Variants in GCN1 observed in about 807,000 individuals in gnomAD.
GCN1 encodes GCN1 activator of EIF2AK4.
In GCN1, 90 loss-of-function variants were observed where a neutral mutation model predicts 288.4. The ratio of observed to expected loss-of-function variants is 0.31; its 90% CI spans 0.26 to 0.37. GCN1 has a LOEUF of 0.37. Among genes scored for constraint, GCN1 ranks in the 10% least tolerant of loss-of-function variants. The pLI, the probability that GCN1 is intolerant of heterozygous loss-of-function variation, is 1.00. For missense variants in GCN1, 2,586 were observed against 3,419.9 expected (o/e 0.76, Z 6.08); for synonymous variants, 1,386 against 1,420.2 (o/e 0.98, Z 0.54).
At chr12:120,133,233 T>C (rs937552182) in intron 53 of GCN1, among the ~76,000 whole-genome samples, 1 of 152,010 alleles carries the variant, frequency 6.6e-6, no homozygotes, top group African/African-American at 2.4e-5. Flanking sequence ...CAATGACGTG[T>C]AAAACCATGT....
In GCN1 at chr12:120,129,511, A is replaced by C; in HGVS notation, c.7672-17T>G. 6.3e-7 allele frequency: 1 copy of C among 1,586,334 alleles called. No individual in the cohort carries two copies. The highest frequency in any genetic ancestry group is 8.7e-7 in the Non-Finnish European group (1 of 1,154,682). On this transcript the variant is annotated splice_polypyrimidine_tract_variant and intron_variant, in intron 56 of 57. Transcript: ENST00000300648. Reference sequence around the variant, plus strand: ...CTGCAGACACTGTAAAAAGAACCACAAACAGGCTTTTGGATAGGCATGTCA... The same window carrying C: ...CTGCAGACACTGTAAAAAGAACCACCAACAGGCTTTTGGATAGGCATGTCA...
intron 15 of GCN1, among the ~76,000 whole-genome samples, chr12:120,168,581 TAC>T (rs1878207248): frequency 6.6e-6 from 1 of 152,208 alleles, no homozygotes; most frequent in African/African-American, 2.4e-5. Context: ...ACCTGAGGTT[TAC>T]AGACTCTGGC....
chr12:120,148,474 A>C (rs2139099049), intron 36 of GCN1, 128 bp from the exon 37 acceptor site: 1 of 705,712 alleles, frequency 1.4e-6, no homozygotes, highest in Non-Finnish European at 2.3e-6. Context: ...AGTCACTGGG[A>C]GGAGGGGAGA....
intron 16 of GCN1, among the ~76,000 whole-genome samples, chr12:120,167,502 T>A (rs926267716): frequency 6.6e-6 from 1 of 152,166 alleles, no homozygotes; most frequent in East Asian, 1.9e-4. Context: ...TTTACTTGCA[T>A]ATATATAAAA....
At chr12:120,168,146 T>C in intron 16 of GCN1, 62 bp downstream of exon 16, 1 of 1,032,412 alleles carries the variant, frequency 9.7e-7, no homozygotes, top group Non-Finnish European at 1.5e-6. Context: ...GGGTCCTCTC[T>C]GAAGATTTTC....
At chr12:120,161,684 CACCAGCACAGTG>C (rs1594275721) in intron 21 of GCN1, 101 bp from the exon 22 acceptor site, 1 of 979,050 alleles carries the variant, frequency 1.0e-6, no homozygotes, top group East Asian at 2.4e-5. Context: ...AAGCACTGTG[CACCAGCACAGTG>C]CCGGATACTG....
chr12:120,160,251 A>G lies in GCN1; in HGVS notation c.2441T>C (p.Ile814Thr). ...CTCTTTGATGCCTTTCTTCTTCTTT[A>G]TCTCCTAAAGAGGATGGGCAAACCA... ...QIIELELKEE[I>T]KKKKGIKEEV... Residue 814 changes from isoleucine to threonine, a missense_variant, in exon 23 of 58, where the codon ATA (isoleucine) becomes ACA (threonine). By Grantham distance (89) the Ile-to-Thr change is moderately conservative (BLOSUM62 -1). Around this residue, in one of 8 missense-constraint regions of GCN1, gnomAD observed 913 missense variants for 1,107.0 expected, o/e 0.82. Coordinates refer to ENST00000300648, the MANE Select transcript of GCN1 (RefSeq NM_006836.2). 2 of 1,609,610 alleles carry G rather than the reference A, an allele frequency of 1.2e-6. No homozygotes were observed. The highest frequency in any genetic ancestry group is 8.5e-7 in the Non-Finnish European group (1 of 1,177,802).
At chr12:120,157,322 T>C (rs1458643833) in intron 26 of GCN1, among the ~76,000 whole-genome samples, 1 of 152,226 alleles carries the variant, frequency 6.6e-6, no homozygotes, top group Non-Finnish European at 1.5e-5. Flanking sequence ...TCACTGACGA[T>C]ATTAATACTA....
In GCN1 at chr12:120,162,984, G is replaced by C. The variant is rs747986029; in HGVS notation, c.2039-13C>G. 35 of 1,614,196 alleles carry C rather than the reference G, an allele frequency of 2.2e-5. No individual in the cohort carries two copies. The highest frequency in any genetic ancestry group is 2.8e-5 in the Non-Finnish European group (33 of 1,180,022). ...GACTGCACGGCAACTGAAGGGGAAG[G>C]GAGCTCTTTGAGGCCTTCTGCCTGG... On this transcript the variant is annotated splice_polypyrimidine_tract_variant and intron_variant, in intron 19 of 57. Transcript: ENST00000300648.
chr12:120,174,271 T>A, intron 12 of GCN1, 102 bp from the exon 13 acceptor site: 1 of 707,080 alleles, frequency 1.4e-6, no homozygotes, highest in Non-Finnish European at 2.6e-6. Context: ...AGACCTCTTC[T>A]GTGTCTCCAG....
At chr12:120,163,404 T>G in intron 18 of GCN1, 145 bp from the exon 19 acceptor site, 1 of 645,100 alleles carries the variant, frequency 1.6e-6, no homozygotes, top group Non-Finnish European at 2.7e-6. Context: ...CCCAGCTTCC[T>G]GCAATGGGAC....
At chr12:120,132,205 C>T (rs1467235745) in intron 53 of GCN1, among the ~76,000 whole-genome samples, 183 bp from the exon 54 acceptor site, 1 of 152,186 alleles carries the variant, frequency 6.6e-6, no homozygotes, top group South Asian at 2.1e-4. Flanking sequence ...TGGGCTGCCA[C>T]TGGTATGGAG....
In GCN1 at chr12:120,174,239, C is replaced by G. The variant is rs949714981; in HGVS notation, c.1094-70G>C. The G allele has an allele frequency of 4.7e-6, 4 of 846,498 alleles. No individual in the cohort carries two copies. In the African/African-American group the frequency reaches 6.6e-5, roughly 14 times the overall value. 52.4% of individuals were successfully genotyped at this position (846,498 alleles called of 1,614,324 possible). On this transcript the variant is annotated intron_variant, in intron 12 of 57. Coordinates refer to ENST00000300648, the MANE Select transcript of GCN1 (RefSeq NM_006836.2). Reference sequence around the variant, plus strand: ...ACAGAGGCAAGTCTTCCCACTGCTGCCACCTCCGCACTCTGGGTCACAGAC... The same window carrying G: ...ACAGAGGCAAGTCTTCCCACTGCTGGCACCTCCGCACTCTGGGTCACAGAC...
Position 120,149,599 on chromosome 12 carries a change from G to A in GCN1, c.4546+7C>T. On this transcript the variant is annotated splice_region_variant and intron_variant, in intron 36 of 57. Coordinates refer to ENST00000300648, the MANE Select transcript of GCN1 (RefSeq NM_006836.2). The stretch of plus-strand genomic sequence containing the variant: ...GCTGGGAAGAGAGGCAGAGCGAGTG[G>A]TCTTACCAGCTTTGGTCCGCCACGA... The A allele has an allele frequency of 6.3e-7, 1 of 1,591,218 alleles. No homozygotes were observed. The highest frequency in any genetic ancestry group is 8.6e-7 in the Non-Finnish European group (1 of 1,159,494).
chr12:120,144,807 C>G lies in GCN1; in HGVS notation c.5184G>C (p.Gly1728=). ...QGLAEVMAGL[G]VEKLEKLMPE... is the part of the protein sequence containing the mutation. Reference sequence around the variant, plus strand: ...GCATCAACTTCTCCAACTTCTCCACCCCCAAACCGGCCATGACCTCAGCCA... The same window carrying G: ...GCATCAACTTCTCCAACTTCTCCACGCCCAAACCGGCCATGACCTCAGCCA... Residue 1728 remains glycine (G), a synonymous_variant, in exon 41 of 58, where the codon GGG becomes GGC. Transcript: ENST00000300648. This position sits in a 1 kb window ranked among gnomAD's most constrained non-coding sequence, Gnocchi z 4.7. 6.2e-7 allele frequency: 1 copy of G among 1,614,198 alleles called. No homozygotes were observed. The highest frequency in any genetic ancestry group is 8.5e-7 in the Non-Finnish European group (1 of 1,180,026).
intron 7 of GCN1, 57 bp downstream of exon 7, chr12:120,178,568 C>T (rs566098196): frequency 4.3e-5 from 68 of 1,587,622 alleles, no homozygotes; most frequent in South Asian, 2.1e-4. Context: ...TTCCCTCCAG[C>T]GAGCTCCCAA....
chr12:120,161,953 G>C lies in GCN1; in HGVS notation c.2269C>G (p.Leu757Val). Residue 757 changes from leucine to valine, a missense_variant, in exon 21 of 58, where the codon CTG (leucine) becomes GTG (valine). Coordinates refer to ENST00000300648, the MANE Select transcript of GCN1 (RefSeq NM_006836.2). The part of the protein sequence containing the change: ...TASVQNPALR[L>V]VTREEFAIMQ... ...ATGGCAAACTCCTCCCGCGTCACCA[G>C]GCGCAGTGCAGGGTTCTGCACGGAG... 6.2e-7 allele frequency: 1 copy of C among 1,614,154 alleles called. No homozygotes were observed. Among genetic ancestry groups the C allele is most frequent in the Non-Finnish European group, 8.5e-7 (1 of 1,180,046 alleles).
chr12:120,188,772 C>A (rs1478645409), intron 2 of GCN1, among the ~76,000 whole-genome samples: 1 of 151,298 alleles, frequency 6.6e-6, no homozygotes, highest in Non-Finnish European at 1.5e-5. Flanking sequence ...TGATATGAAC[C>A]CGGGAAGCAG....
At chr12:120,169,224 T>A (rs7314894) in intron 15 of GCN1, among the ~76,000 whole-genome samples, 37,478 of 137,438 alleles carry the variant, frequency 0.27, 6,353 homozygotes, top group East Asian at 0.58. Flanking sequence ...TTGCAGTGAG[T>A]CGAGATCGCG....
Sources: allele counts gnomAD v4.1 joint callset (sites outside exome capture counted in the v4.1 genomes callset), GRCh38; gene constraint gnomAD v4.1.1; regional missense constraint gnomAD v4.1.1; non-coding constraint Gnocchi (gnomAD v3.1); transcripts MANE v1.5; gene names NCBI Gene and HGNC (gene_info 2026-07-23, HGNC 2026-07-21).